Variants in COLEC10 observed in about 807,000 individuals in gnomAD.
COLEC10 encodes collectin-10.
A neutral mutation model predicts 28.4 loss-of-function variants in COLEC10; 22 were observed. That is an observed-to-expected ratio of 0.78 (90% CI 0.55 to 1.11). COLEC10 has a LOEUF of 1.11. Among genes scored for constraint, COLEC10 ranks in the 50% least tolerant of loss-of-function variants. The pLI is 0.00. For missense variants in COLEC10, 361 were observed against 344.1 expected (o/e 1.05, Z -0.39); for synonymous variants, 125 against 116.1 (o/e 1.08, Z -0.49).
chr8:119,090,100 T>A (rs1040009688), intron 2 of COLEC10, among the ~76,000 whole-genome samples: 2 of 149,478 alleles, frequency 1.3e-5, no homozygotes, highest in African/African-American at 2.5e-5. Context: ...ATTTTTTTTT[T>A]AAGCTGGCAT....
At chr8:119,096,975 G>A (rs1030209598) in intron 3 of COLEC10, among the ~76,000 whole-genome samples, 5 of 151,802 alleles carry the variant, frequency 3.3e-5, no homozygotes, top group African/African-American at 1.2e-4. Context: ...AAAAATGAAT[G>A]AATATATGGA....
chr8:119,078,791 C>A (rs1563736903), intron 1 of COLEC10, among the ~76,000 whole-genome samples: 1 of 152,076 alleles, frequency 6.6e-6, no homozygotes, highest in East Asian at 1.9e-4. Context: ...ATACAGTTAT[C>A]AAAGGTAATG....
At chr8:118,966,385 C>T in the COLEC10 span, among the ~76,000 whole-genome samples, 1 of 152,060 alleles carries the variant, frequency 6.6e-6, no homozygotes, top group Non-Finnish European at 1.5e-5. Flanking sequence ...TTTTTTCCTA[C>T]TGTAACAACA....
the COLEC10 span, among the ~76,000 whole-genome samples, chr8:118,983,733 A>G: frequency 6.6e-6 from 1 of 152,192 alleles, no homozygotes; most frequent in East Asian, 1.9e-4. Context: ...ATATGAAAAA[A>G]TGCTCAACAA....
At chr8:119,046,591 T>C (rs1814591599) in intron 2 of COLEC10, among the ~76,000 whole-genome samples, 1 of 152,200 alleles carries the variant, frequency 6.6e-6, no homozygotes. Context: ...AGCTAACCCA[T>C]CCTTTTAGCA....
chr8:118,955,481 AC>A, the COLEC10 span, among the ~76,000 whole-genome samples: 1 of 152,164 alleles, frequency 6.6e-6, no homozygotes, highest in Non-Finnish European at 1.5e-5. Context: ...TTCACTACTC[AC>A]CTATAATGTG....
At chr8:118,954,483 G>T in the COLEC10 span, among the ~76,000 whole-genome samples, 1 of 152,320 alleles carries the variant, frequency 6.6e-6, no homozygotes, top group Non-Finnish European at 1.5e-5. Context: ...AGGGATTCCA[G>T]ACTGAACCCA....
chr8:119,058,626 A>C (rs1350670233), intron 2 of COLEC10, among the ~76,000 whole-genome samples: 3 of 152,048 alleles, frequency 2.0e-5, no homozygotes. Context: ...GTTGAATAGC[A>C]TTCCATTGTA....
intron 2 of COLEC10, among the ~76,000 whole-genome samples, chr8:119,018,984 A>G (rs80136771): frequency 3.3e-5 from 5 of 152,140 alleles, no homozygotes; most frequent in Admixed American, 6.5e-5. Flanking sequence ...TTTTGTCAAG[A>G]TAAGGATTTT....
intron 1 of COLEC10, among the ~76,000 whole-genome samples, chr8:119,078,990 TACACACACACACACACACACACACACAC>T (rs59453751): frequency 7.0e-6 from 1 of 142,986 alleles, no homozygotes; most frequent in Non-Finnish European, 1.5e-5. Context: ...TGGGAAAACG[TACACACACACACACACACACACACACAC>T]ACACACACAC....
At chr8:118,968,874 T>G in the COLEC10 span, among the ~76,000 whole-genome samples, 4 of 152,024 alleles carry the variant, frequency 2.6e-5, no homozygotes, top group African/African-American at 9.7e-5. Context: ...ATGTGGTGTT[T>G]GGTTTTCTGC....
chr8:119,063,987 G>A (rs117148385), upstream of COLEC10, among the ~76,000 whole-genome samples: 789 of 152,120 alleles, frequency 5.2e-3, 8 homozygotes, highest in Non-Finnish European at 9.1e-3. Context: ...TTGGCTTGTT[G>A]TCTATTTTAA....
intron 4 of COLEC10, among the ~76,000 whole-genome samples, chr8:119,103,478 C>T (rs117652253): frequency 5.3e-5 from 8 of 152,076 alleles, no homozygotes; most frequent in Non-Finnish European, 1.0e-4. Flanking sequence ...ATTGGGCAGA[C>T]ACATTCTGTG....
At chr8:119,014,197 C>T (rs557843142) in intron 2 of COLEC10, among the ~76,000 whole-genome samples, 1 of 150,218 alleles carries the variant, frequency 6.7e-6, no homozygotes, top group East Asian at 1.9e-4. Flanking sequence ...AGTTTCTGAC[C>T]TACTTCATTT....
intron 2 of COLEC10, among the ~76,000 whole-genome samples, chr8:119,016,559 G>A (rs991927104): frequency 6.6e-6 from 1 of 152,028 alleles, no homozygotes; most frequent in African/African-American, 2.4e-5. Flanking sequence ...GGATTGCTGG[G>A]TCAAATGGTG....
At chr8:119,000,559 G>A (rs564192939) in intron 1 of COLEC10, among the ~76,000 whole-genome samples, 1 of 152,234 alleles carries the variant, frequency 6.6e-6, no homozygotes, top group South Asian at 2.1e-4. Context: ...TTGCAAGGGA[G>A]TGATTATACA....
At chr8:119,011,879 A>T (rs1431605614) in intron 2 of COLEC10, among the ~76,000 whole-genome samples, 1 of 150,928 alleles carries the variant, frequency 6.6e-6, no homozygotes, top group Non-Finnish European at 1.5e-5. Flanking sequence ...GAGTTTCTAC[A>T]TTAATGATCA....
At chr8:119,064,844 C>G (rs866753663), upstream of COLEC10, among the ~76,000 whole-genome samples, 1 of 151,474 alleles carries the variant, frequency 6.6e-6, no homozygotes. Flanking sequence ...CTTACTCAAA[C>G]TGCTTAATTT....
chr8:118,983,067 C>T, the COLEC10 span, among the ~76,000 whole-genome samples: 22 of 152,166 alleles, frequency 1.4e-4, 1 homozygote, highest in Non-Finnish European at 3.1e-4. Context: ...GAGATGTGTT[C>T]TACAATGGAT....
Sources: gnomAD v4.1 joint callset for allele counts (sites outside exome capture counted in the v4.1 genomes callset) on GRCh38, gnomAD v4.1.1 for gene constraint, MANE v1.5 for transcripts, NCBI Gene and HGNC (gene_info 2026-07-23, HGNC 2026-07-21) for gene names.